Variants in FGF14 observed in about 807,000 individuals in gnomAD.
The protein encoded by FGF14 is fibroblast growth factor homologous factor 4.
A neutral mutation model predicts 25.5 loss-of-function variants in FGF14; 5 were observed. That is an observed-to-expected ratio of 0.20 (90% CI 0.10 to 0.41). The LOEUF is 0.41. Among genes scored for constraint, FGF14 ranks in the 10% least tolerant of loss-of-function variants. The pLI is 1.00. For synonymous variants in FGF14, 138 were observed against 118.3 expected (o/e 1.17, Z -1.08); for missense variants, 222 against 320.1 (o/e 0.69, Z 2.34).
intron 3 of FGF14, among the ~76,000 whole-genome samples, chr13:101,755,345 T>G (rs1251112069): frequency 3.3e-5 from 5 of 152,014 alleles, no homozygotes; most frequent in Admixed American, 3.3e-4. Context: ...ACGTTACACA[T>G]GAAGAACCAG....
rs1407627873 is a variant in FGF14, at chr13:102,362,950, T to C, written c.208+38521A>G. 3.3e-5 allele frequency among the ~76,000 whole-genome samples: 5 copies of C among 152,152 alleles called. No homozygotes were observed. In the East Asian group the frequency reaches 5.8e-4, roughly 18 times the overall value. On this transcript the variant is annotated intron_variant, in intron 1 of 4. Transcript: ENST00000376131. ...AATCCACATGGAAAAGGTTACTTTATTGAAGTGTTGAAAAAGAGAATGATT... is the reference window on the plus strand; with the variant it reads ...AATCCACATGGAAAAGGTTACTTTACTGAAGTGTTGAAAAAGAGAATGATT...
intron 1 of FGF14, among the ~76,000 whole-genome samples, chr13:102,312,050 A>G (rs1477811995): frequency 6.6e-6 from 1 of 152,182 alleles, no homozygotes; most frequent in Non-Finnish European, 1.5e-5. Context: ...CTGGGCCGCT[A>G]AGAACTGCTT....
chr13:101,955,120 G>A (rs2036432311), intron 1 of FGF14, among the ~76,000 whole-genome samples: 1 of 152,220 alleles, frequency 6.6e-6, no homozygotes, highest in Non-Finnish European at 1.5e-5. Flanking sequence ...CGCATTCCCA[G>A]CTGGAGACTG....
At chr13:101,925,223 G>GT (rs757468397) in intron 1 of FGF14, among the ~76,000 whole-genome samples, 2 of 152,110 alleles carry the variant, frequency 1.3e-5, no homozygotes, top group Admixed American at 1.3e-4. Context: ...TATTTTTCCA[G>GT]TTTTTTAGAA....
intron 1 of FGF14, among the ~76,000 whole-genome samples, chr13:102,282,292 C>T (rs2053883055): frequency 6.6e-6 from 1 of 152,020 alleles, no homozygotes; most frequent in Admixed American, 6.6e-5. Context: ...TCTCGAACTC[C>T]CAACCTCAGG....
intron 3 of FGF14, among the ~76,000 whole-genome samples, chr13:101,744,137 C>T (rs552439673): frequency 2.6e-5 from 4 of 152,104 alleles, no homozygotes; most frequent in African/African-American, 7.2e-5. Context: ...TATTAAAATG[C>T]ACACTAGGAA....
At position 102,242,869 on chromosome 13, in the gene FGF14, C is replaced by T. The variant is rs565945861; in HGVS notation, c.208+158602G>A. On this transcript the variant is annotated intron_variant, in intron 1 of 4. Coordinates refer to the FGF14 transcript ENST00000376131. ...TCCAGTGTGCAACAGACAAGCTTTC[C>T]CTCAAAATCAGTTCTCTACTCTTGC... Among the ~76,000 whole-genome samples, 8 of 152,178 alleles carry T rather than the reference C, an allele frequency of 5.3e-5. No homozygotes were observed. In the South Asian group the frequency reaches 1.5e-3, roughly 28 times the overall value.
intron 3 of FGF14, among the ~76,000 whole-genome samples, chr13:101,740,347 C>T (rs989540084): frequency 4.6e-5 from 7 of 152,094 alleles, no homozygotes; most frequent in Non-Finnish European, 2.9e-5. Context: ...TTTGGAAAGG[C>T]TAGTCTGGCC....
chr13:101,880,065 G>T (rs897936936), intron 1 of FGF14, among the ~76,000 whole-genome samples: 4 of 152,062 alleles, frequency 2.6e-5, no homozygotes, highest in Non-Finnish European at 4.4e-5. Flanking sequence ...TTCCTTTATG[G>T]ATTGACCCAA....
intron 3 of FGF14, among the ~76,000 whole-genome samples, chr13:101,847,817 T>C (rs2043542104): frequency 6.6e-6 from 1 of 152,036 alleles, no homozygotes; most frequent in Non-Finnish European, 1.5e-5. Flanking sequence ...AGAAATCCAA[T>C]GAAATTTAAA....
chr13:102,212,638 A>G (rs1209655157), intron 1 of FGF14, among the ~76,000 whole-genome samples: 1 of 152,218 alleles, frequency 6.6e-6, no homozygotes, highest in Non-Finnish European at 1.5e-5. Flanking sequence ...GGAAATATGC[A>G]TTGAATGAAG....
chr13:102,006,572 T>C (rs1169058474), intron 1 of FGF14, among the ~76,000 whole-genome samples: 1 of 152,078 alleles, frequency 6.6e-6, no homozygotes, highest in Non-Finnish European at 1.5e-5. Flanking sequence ...AAAAGGTAAC[T>C]CCTTTTTTGT....
chr13:101,996,762 T>G (rs2039208748), intron 1 of FGF14, among the ~76,000 whole-genome samples: 1 of 152,212 alleles, frequency 6.6e-6, no homozygotes, highest in Non-Finnish European at 1.5e-5. Context: ...AGGTTTTCAT[T>G]GCTCTTCCTT....
At chr13:102,401,256 G>T (rs1000675170) in intron 1 of FGF14, among the ~76,000 whole-genome samples, 17 of 151,258 alleles carry the variant, frequency 1.1e-4, no homozygotes, top group African/African-American at 4.1e-4. Flanking sequence ...GATGGATTGT[G>T]TCACAGCCAA....
chr13:102,089,577 T>C (rs2044078123), intron 1 of FGF14, among the ~76,000 whole-genome samples: 1 of 152,204 alleles, frequency 6.6e-6, no homozygotes, highest in African/African-American at 2.4e-5. Context: ...GTTCCACATT[T>C]TTCCTAAGTT....
chr13:101,946,363 CAAAAAAAAAAAA>C (rs59866034), intron 1 of FGF14, among the ~76,000 whole-genome samples: 4 of 91,950 alleles, frequency 4.4e-5, no homozygotes, highest in Admixed American at 2.5e-4. Flanking sequence ...GCTTCTCCAT[CAAAAAAAAAAAA>C]AAAAAAAAAG....
chr13:102,000,214 G>A (rs2039412253), intron 1 of FGF14, among the ~76,000 whole-genome samples: 1 of 152,184 alleles, frequency 6.6e-6, no homozygotes, highest in African/African-American at 2.4e-5. Flanking sequence ...AGCTACTGAG[G>A]AGGCTGAGAC....
intron 1 of FGF14, among the ~76,000 whole-genome samples, chr13:102,255,896 T>C (rs2141091970): frequency 6.6e-6 from 1 of 152,336 alleles, no homozygotes; most frequent in South Asian, 2.1e-4. Flanking sequence ...TCAATGCATC[T>C]TCCTCTAAAC....
intron 1 of FGF14, among the ~76,000 whole-genome samples, chr13:102,390,938 A>G (rs2139229859): frequency 6.6e-6 from 1 of 152,356 alleles, no homozygotes; most frequent in African/African-American, 2.4e-5. Context: ...GTTCTTTTAC[A>G]TGTTAATTTG....
Sources: allele counts gnomAD v4.1 joint callset (sites outside exome capture counted in the v4.1 genomes callset), GRCh38; gene constraint gnomAD v4.1.1; transcripts MANE v1.5; gene names NCBI Gene and HGNC (gene_info 2026-07-23, HGNC 2026-07-21).